Variants in VPS53 observed in about 807,000 individuals in gnomAD.
VPS53 encodes the protein VPS53 subunit of GARP complex, also known as vacuolar protein sorting-associated protein 53 homolog.
VPS53 carries 70 observed loss-of-function variants against 107.0 expected under a neutral mutation model. That is an observed-to-expected ratio of 0.65 (90% CI 0.54 to 0.80). The LOEUF is 0.80. Among genes scored for constraint, VPS53 ranks in the 30% least tolerant of loss-of-function variants. VPS53 has a pLI of 0.00. For synonymous variants in VPS53, 409 were observed against 393.3 expected, an observed-to-expected ratio of 1.04 and a Z score of -0.47; for missense variants, 917 against 1,049.4, an observed-to-expected ratio of 0.87 and a Z score of 1.74.
intron 7 of VPS53, among the ~76,000 whole-genome samples, chr17:644,034 G>C (rs917102306): frequency 3.3e-5 from 5 of 152,196 alleles, no homozygotes; most frequent in Admixed American, 6.5e-5. Flanking sequence ...TGGTTTTCAA[G>C]AGAATGTAAG....
intron 14 of VPS53, 61 bp downstream of exon 14, chr17:562,442 C>G: frequency 6.3e-7 from 1 of 1,596,674 alleles, no homozygotes; most frequent in Non-Finnish European, 8.6e-7. Context: ...AGTGGATTTC[C>G]TTAAGATTCC....
chr17:665,090 G>A (rs78948070), intron 4 of VPS53, among the ~76,000 whole-genome samples: 5,454 of 152,268 alleles, frequency 0.036, 139 homozygotes, highest in Non-Finnish European at 0.057. Context: ...GGTGTTGGCA[G>A]GTGGGGCCTT....
At chr17:660,997 G>A (rs1971414085) in intron 5 of VPS53, among the ~76,000 whole-genome samples, 1 of 151,900 alleles carries the variant, frequency 6.6e-6, no homozygotes, top group South Asian at 2.1e-4. Context: ...ACAACACCGG[G>A]GGACACAAAT....
chr17:569,537 G>T (rs1352800609), intron 13 of VPS53, among the ~76,000 whole-genome samples: 1 of 152,210 alleles, frequency 6.6e-6, no homozygotes, highest in Non-Finnish European at 1.5e-5. Context: ...ATGAGTCCAT[G>T]CTGACATAGA....
chr17:571,741 C>T (rs1469509896), intron 13 of VPS53, among the ~76,000 whole-genome samples: 1 of 152,254 alleles, frequency 6.6e-6, no homozygotes, highest in East Asian at 1.9e-4. Context: ...GACGGGGTTT[C>T]GCTGTGTTGG....
chr17:555,656 C>T (rs186596065), intron 15 of VPS53, among the ~76,000 whole-genome samples: 135 of 152,308 alleles, frequency 8.9e-4, no homozygotes, highest in Middle Eastern at 3.4e-3. Context: ...CTTTATACCT[C>T]CTAATGGAAT....
chr17:586,781 ATCCT>A (rs1967341656), intron 12 of VPS53, among the ~76,000 whole-genome samples: 1 of 152,118 alleles, frequency 6.6e-6, no homozygotes, highest in South Asian at 2.1e-4. Context: ...CCTCACAATA[ATCCT>A]TCATGTAGGT....
At chr17:627,979 A>G in intron 9 of VPS53, 109 bp downstream of exon 9, 1 of 1,135,846 alleles carries the variant, frequency 8.8e-7, no homozygotes, top group Non-Finnish European at 1.2e-6. Flanking sequence ...TCAACAACCA[A>G]CACTGTCAGA....
At chr17:566,198 C>T (rs1386665385) in intron 13 of VPS53, among the ~76,000 whole-genome samples, 5 of 139,094 alleles carry the variant, frequency 3.6e-5, no homozygotes, top group Admixed American at 3.6e-4. Flanking sequence ...AGCGAGACTC[C>T]GTCTCAAAAA....
chr17:673,163 G>A (rs993922149), intron 4 of VPS53, among the ~76,000 whole-genome samples: 4 of 151,048 alleles, frequency 2.6e-5, no homozygotes, highest in Non-Finnish European at 5.9e-5. Context: ...GCATCATTTC[G>A]AAAGCCAGGA....
intron 8 of VPS53, among the ~76,000 whole-genome samples, chr17:630,308 C>CA (rs1353920019): frequency 3.3e-5 from 5 of 150,768 alleles, no homozygotes; most frequent in African/African-American, 9.8e-5. Context: ...AACAAACAAA[C>CA]AAACAAAAAA....
Position 714,805 on chromosome 17 carries a change from G to C in VPS53, c.-96C>G. 2.2e-6 allele frequency: 3 copies of C among 1,379,210 alleles called. No individual in the cohort carries two copies. The highest frequency in any genetic ancestry group is 2.3e-5 in the East Asian group (1 of 43,488). 85.4% of individuals were successfully genotyped at this position (1,379,210 alleles called of 1,614,324 possible). A position where few individuals can be genotyped will look rare whatever the true frequency, so the allele number is the denominator to read the frequency against. On this transcript the variant is annotated 5_prime_UTR_variant, in exon 1 of 22. Transcript: ENST00000437048. Reference sequence around the variant, plus strand: ...AGCACAGCAACTCCCTCGCGGCAGCGACCTGGTGAGCCCGGCTCCGTCAGC... The same window carrying C: ...AGCACAGCAACTCCCTCGCGGCAGCCACCTGGTGAGCCCGGCTCCGTCAGC...
chr17:593,340 A>G (rs1967774335), intron 12 of VPS53, among the ~76,000 whole-genome samples: 1 of 152,230 alleles, frequency 6.6e-6, no homozygotes, highest in African/African-American at 2.4e-5. Context: ...GCTTCTGCAC[A>G]GCAAAAGAAA....
chr17:670,093 C>T (rs1971873759), intron 4 of VPS53, among the ~76,000 whole-genome samples: 1 of 151,964 alleles, frequency 6.6e-6, no homozygotes, highest in African/African-American at 2.4e-5. Flanking sequence ...CTGTTGTGGC[C>T]CTTTTTAGGA....
Position 642,949 on chromosome 17 carries a change from C to G in VPS53, c.608+10342G>C, listed in dbSNP as rs71355289. ...GAGGACAACACTCATACTTGGCAAC[C>G]GAGGACAACTCTCATACTTGGAAAG... On this transcript the variant is annotated intron_variant, in intron 7 of 21. Coordinates refer to ENST00000437048, the MANE Select transcript of VPS53 (RefSeq NM_001128159.3). 7.0e-5 allele frequency among the ~76,000 whole-genome samples: 7 copies of G among 100,574 alleles called. 1 individual carries two copies. Among genetic ancestry groups the G allele is most frequent in the Non-Finnish European group, 1.4e-4 (6 of 42,890 alleles). 66.0% of individuals were successfully genotyped at this position (100,574 alleles called of 152,430 possible).
Position 631,024 on chromosome 17 carries a change from C to T in VPS53, c.687+526G>A, listed in dbSNP as rs189768485. Among the ~76,000 whole-genome samples, 143 of 152,236 alleles carry T rather than the reference C, an allele frequency of 9.4e-4. 1 individual carries two copies. The highest frequency in any genetic ancestry group is 3.4e-3 in the African/African-American group (140 of 41,532). On this transcript the variant is annotated intron_variant, in intron 8 of 21. Transcript: ENST00000437048. The stretch of plus-strand genomic sequence containing the variant: ...CAACCAACAGCTCCCAAGTGAAATG[C>T]TGTGGGCTTTGCAGACACAACACAA...
At chr17:669,784 C>G (rs1319026693) in intron 4 of VPS53, among the ~76,000 whole-genome samples, 1 of 150,712 alleles carries the variant, frequency 6.6e-6, no homozygotes, top group South Asian at 2.1e-4. Context: ...CCCAGCTACT[C>G]GGGAGGCTGA....
chr17:560,363 G>C (rs1038422215), intron 15 of VPS53, 63 bp downstream of exon 15: 107 of 1,543,952 alleles, frequency 6.9e-5, no homozygotes, highest in Non-Finnish European at 4.7e-5. Context: ...CTTACTCGCC[G>C]AGCGACGCAG....
chr17:597,637 A>G (rs1968038838), intron 12 of VPS53, among the ~76,000 whole-genome samples: 1 of 151,872 alleles, frequency 6.6e-6, no homozygotes, highest in Non-Finnish European at 1.5e-5. Context: ...CCGCCTCCCA[A>G]GTTCACACGA....
Sources: gnomAD v4.1 joint callset for allele counts (sites outside exome capture counted in the v4.1 genomes callset) on GRCh38, gnomAD v4.1.1 for gene constraint, MANE v1.5 for transcripts, NCBI Gene and HGNC (gene_info 2026-07-23, HGNC 2026-07-21) for gene names.